Variants in ST18 observed in about 807,000 individuals in gnomAD.
ST18 encodes ST18 C2H2C-type zinc finger transcription factor.
ST18 carries 50 observed loss-of-function variants against 110.0 expected under a neutral mutation model. The observed-to-expected ratio is 0.45, with a 90% CI of 0.36 to 0.58. The LOEUF is 0.58. Ranked by LOEUF, ST18 falls within the 20% of genes least tolerant of loss-of-function variation. The pLI is 0.00. For missense variants in ST18, 1,306 were observed against 1,280.1 expected (o/e 1.02, Z -0.31); for synonymous variants, 461 against 452.4 (o/e 1.02, Z -0.24).
At chr8:52,285,951 C>G (rs1177447398) in intron 2 of ST18, among the ~76,000 whole-genome samples, 1 of 152,216 alleles carries the variant, frequency 6.6e-6, no homozygotes, top group African/African-American at 2.4e-5. Context: ...GCTTCTTAGT[C>G]TTTCATTCAC....
chr8:52,129,804 G>A (rs2048491457), intron 22 of ST18, among the ~76,000 whole-genome samples: 1 of 152,078 alleles, frequency 6.6e-6, no homozygotes, highest in African/African-American at 2.4e-5. Flanking sequence ...CAGCACTTTG[G>A]GAGGCCAAGG....
intron 22 of ST18, among the ~76,000 whole-genome samples, chr8:52,130,119 A>AAAGAAAGAAAAGAAAGAAAGAAAG (rs67888949): frequency 1.0e-4 from 11 of 105,240 alleles, no homozygotes; most frequent in East Asian, 5.6e-4. Context: ...AGAAAGAAAG[A>AAAGAAAGAAAAGAAAGAAAGAAAG]AAAGAAAGAA....
Position 52,212,089 on chromosome 8 carries a change from G to A in ST18, c.76C>T (p.Gln26Ter). ...TAGGGTAAATCTTACCTGAGCTCCT[G>A]GATTAGTGAATCCATTGGCACTGTT... ...GTEVPMDSLI[Q>*]ELSVAYDCSM... The change falls in exon 8 of 26, where the codon CAG becomes TAG. Residue 26 changes from glutamine (Q) to a stop codon, truncating the protein, a stop_gained. Coordinates refer to ENST00000689386, the MANE Select transcript of ST18 (RefSeq NM_001352837.2). LOFTEE classifies it high-confidence loss of function. The A allele has an allele frequency of 6.2e-7, 1 of 1,604,686 alleles. No individual in the cohort carries two copies. Among genetic ancestry groups the A allele is most frequent in the Non-Finnish European group, 8.5e-7 (1 of 1,177,886 alleles).
intron 9 of ST18, among the ~76,000 whole-genome samples, chr8:52,178,099 C>G (rs1221442032): frequency 6.6e-6 from 1 of 152,086 alleles, no homozygotes; most frequent in Non-Finnish European, 1.5e-5. Context: ...TCACTTGGTT[C>G]ATATCAAACA....
At chr8:52,156,633 T>C (rs568335426) in intron 15 of ST18, among the ~76,000 whole-genome samples, 20 of 152,302 alleles carry the variant, frequency 1.3e-4, no homozygotes, top group African/African-American at 4.6e-4. Context: ...CTAAAATAAT[T>C]ATCTTGTTAA....
intron 25 of ST18, among the ~76,000 whole-genome samples, chr8:52,115,563 G>A (rs1026464541): frequency 6.6e-6 from 1 of 152,122 alleles, no homozygotes; most frequent in Non-Finnish European, 1.5e-5. Context: ...TGCACAGGTG[G>A]GTAACCTCAG....
chr8:52,212,349 C>G (rs2082487881), intron 7 of ST18, among the ~76,000 whole-genome samples: 1 of 152,088 alleles, frequency 6.6e-6, no homozygotes, highest in African/African-American at 2.4e-5. Context: ...ATTGGACTTT[C>G]CAGGTACCTG....
intron 2 of ST18, among the ~76,000 whole-genome samples, chr8:52,375,759 T>C (rs1275926802): frequency 2.6e-5 from 4 of 152,132 alleles, no homozygotes; most frequent in Admixed American, 2.6e-4. Context: ...GACTGCCTAT[T>C]TGGTATCTCC....
chr8:52,113,730 C>T (rs1268005819), intron 25 of ST18, among the ~76,000 whole-genome samples: 1 of 152,056 alleles, frequency 6.6e-6, no homozygotes, highest in Non-Finnish European at 1.5e-5. Context: ...GGAAGGGTTG[C>T]TTGTACTAAG....
chr8:52,270,521 T>A (rs1454209547), intron 2 of ST18, among the ~76,000 whole-genome samples: 1 of 152,192 alleles, frequency 6.6e-6, no homozygotes, highest in Non-Finnish European at 1.5e-5. Flanking sequence ...ATGCTTTAGA[T>A]CTTTAAAACC....
At position 52,342,338 on chromosome 8, in the gene ST18, G is replaced by T. The variant is rs551579559; in HGVS notation, c.-465+66990C>A. On this transcript the variant is annotated intron_variant, in intron 2 of 25. Transcript: ENST00000689386. The stretch of plus-strand genomic sequence containing the variant: ...AGCCAAAAGAAAGAAAAAAGAAAAA[G>T]ACTCTACGATCTTATATATGACTCC... Among the ~76,000 whole-genome samples, 7 of 150,902 alleles carry T rather than the reference G, an allele frequency of 4.6e-5. No individual in the cohort carries two copies. The East Asian group carries it at 1.4e-3, about 30-fold the overall frequency.
chr8:52,344,562 C>T (rs556965854), intron 2 of ST18, among the ~76,000 whole-genome samples: 6 of 151,950 alleles, frequency 3.9e-5, no homozygotes, highest in African/African-American at 1.2e-4. Flanking sequence ...CACCTCGCTC[C>T]ACTAATTTTT....
At chr8:52,216,523 C>G (rs1029815460) in intron 6 of ST18, among the ~76,000 whole-genome samples, 1 of 152,156 alleles carries the variant, frequency 6.6e-6, no homozygotes, top group Non-Finnish European at 1.5e-5. Context: ...TCAACTGTTT[C>G]ACTTGCTTTC....
intron 8 of ST18, among the ~76,000 whole-genome samples, chr8:52,195,060 G>A (rs915107453): frequency 6.6e-6 from 1 of 152,138 alleles, no homozygotes; most frequent in Non-Finnish European, 1.5e-5. Flanking sequence ...CTCCTTTTAA[G>A]TGCCCAGAGA....
At chr8:52,284,519 A>T (rs1021322849) in intron 2 of ST18, among the ~76,000 whole-genome samples, 2 of 152,166 alleles carry the variant, frequency 1.3e-5, no homozygotes, top group African/African-American at 4.8e-5. Flanking sequence ...GGGAAGAACC[A>T]GGATGGTCTA....
At chr8:52,251,547 T>C (rs1215714167) in intron 2 of ST18, among the ~76,000 whole-genome samples, 1 of 152,058 alleles carries the variant, frequency 6.6e-6, no homozygotes, top group Non-Finnish European at 1.5e-5. Flanking sequence ...TGATTGGTTA[T>C]TGTCATAAAA....
At chr8:52,217,143 T>A (rs971388928) in intron 6 of ST18, among the ~76,000 whole-genome samples, 2 of 152,186 alleles carry the variant, frequency 1.3e-5, no homozygotes, top group Non-Finnish European at 2.9e-5. Context: ...ACCTAATGAG[T>A]CCTTTGTTTT....
chr8:52,387,778 T>G (rs1837435766), intron 2 of ST18, among the ~76,000 whole-genome samples: 1 of 152,144 alleles, frequency 6.6e-6, no homozygotes, highest in African/African-American at 2.4e-5. Flanking sequence ...TTTGACAGCC[T>G]AAGATATTTT....
intron 2 of ST18, among the ~76,000 whole-genome samples, chr8:52,263,810 G>A (rs1211135966): frequency 1.1e-4 from 16 of 140,912 alleles, no homozygotes; most frequent in Admixed American, 2.2e-4. Context: ...GCAGTGGCAC[G>A]ATCTTCACTC....
Sources: allele counts gnomAD v4.1 joint callset (sites outside exome capture counted in the v4.1 genomes callset), GRCh38; gene constraint gnomAD v4.1.1; transcripts MANE v1.5; gene names NCBI Gene and HGNC (gene_info 2026-07-23, HGNC 2026-07-21).